The following LHFPL3 variants were observed in gnomAD, a reference collection of about 807,000 sequenced individuals.
The protein encoded by LHFPL3 is LHFPL tetraspan subfamily member 3 protein.
In LHFPL3, 5 loss-of-function variants were observed where a neutral mutation model predicts 19.3. The ratio of observed to expected loss-of-function variants is 0.26; its 90% CI spans 0.14 to 0.54. The LOEUF (loss-of-function observed/expected upper bound fraction) is 0.54. LHFPL3 is among the 20% of genes least tolerant of loss of function. The pLI is 0.94. For missense variants in LHFPL3, 249 were observed against 307.4 expected (o/e 0.81, Z 1.42); for synonymous variants, 133 against 126.2 (o/e 1.05, Z -0.36).
chr7:104,405,543 T>C (rs1397134124), intron 1 of LHFPL3, among the ~76,000 whole-genome samples: 1 of 152,228 alleles, frequency 6.6e-6, no homozygotes, highest in Non-Finnish European at 1.5e-5. Context: ...ATCAACACTC[T>C]TATGAAATAA....
At chr7:104,388,578 A>G (rs1477221019) in intron 1 of LHFPL3, among the ~76,000 whole-genome samples, 1 of 152,192 alleles carries the variant, frequency 6.6e-6, no homozygotes, top group African/African-American at 2.4e-5. Context: ...AAAATCAGAC[A>G]AAGACGTAAC....
At chr7:104,704,398 A>G (rs750612609) in intron 1 of LHFPL3, among the ~76,000 whole-genome samples, 8 of 152,204 alleles carry the variant, frequency 5.3e-5, no homozygotes, top group Non-Finnish European at 1.2e-4. Flanking sequence ...AGTCCTAGTC[A>G]TATGAGTATT....
In LHFPL3 at chr7:104,852,883, G is replaced by A. The variant is rs185430633; in HGVS notation, c.683-53304G>A. Among the ~76,000 whole-genome samples the A allele has an allele frequency of 5.6e-3, 851 of 151,172 alleles. 6 individuals are homozygous for A. Among genetic ancestry groups the A allele is most frequent in the African/African-American group, 0.014 (569 of 41,156 alleles). ...CTTCCCAGTCCCACCCCCACCTTCCGGCAGATGGGTTCTCAGCCCACTCTC... is the reference window on the plus strand; with the variant it reads ...CTTCCCAGTCCCACCCCCACCTTCCAGCAGATGGGTTCTCAGCCCACTCTC... On this transcript the variant is annotated intron_variant, in intron 2 of 2. Transcript: ENST00000424859.
intron 1 of LHFPL3, among the ~76,000 whole-genome samples, chr7:104,613,506 TAAG>T (rs1791248118): frequency 6.6e-6 from 1 of 152,208 alleles, no homozygotes; most frequent in Non-Finnish European, 1.5e-5. Context: ...TCAGAGCCAC[TAAG>T]AAGGCTAAAA....
At chr7:104,464,847 C>T (rs1307445330) in intron 1 of LHFPL3, among the ~76,000 whole-genome samples, 2 of 152,226 alleles carry the variant, frequency 1.3e-5, no homozygotes, top group Non-Finnish European at 2.9e-5. Flanking sequence ...ACATTTTCCT[C>T]ATTGTCTTGG....
At chr7:104,744,792 G>A (rs773103054) in intron 2 of LHFPL3, among the ~76,000 whole-genome samples, 22 of 152,050 alleles carry the variant, frequency 1.4e-4, no homozygotes, top group South Asian at 4.2e-4. Context: ...GTTGGCTTCC[G>A]GTCACTGACC....
intron 1 of LHFPL3, among the ~76,000 whole-genome samples, chr7:104,711,080 G>A (rs1793292826): frequency 1.3e-5 from 2 of 152,206 alleles, no homozygotes; most frequent in African/African-American, 4.8e-5. Flanking sequence ...AGAGATAAAG[G>A]AACAGAATCC....
At chr7:104,860,877 C>T (rs1189717220) in intron 2 of LHFPL3, among the ~76,000 whole-genome samples, 2 of 152,084 alleles carry the variant, frequency 1.3e-5, no homozygotes, top group Non-Finnish European at 2.9e-5. Context: ...GCTAAGAATC[C>T]AGCCCCAAGG....
intron 1 of LHFPL3, among the ~76,000 whole-genome samples, chr7:104,546,635 C>T (rs1308436336): frequency 6.6e-6 from 1 of 152,160 alleles, no homozygotes; most frequent in Non-Finnish European, 1.5e-5. Flanking sequence ...TAATATAGCA[C>T]ATTAAATTAA....
At chr7:104,435,622 A>G (rs1792089244) in intron 1 of LHFPL3, among the ~76,000 whole-genome samples, 1 of 151,590 alleles carries the variant, frequency 6.6e-6, no homozygotes, top group Admixed American at 6.6e-5. Context: ...TACACTTTGA[A>G]GCAAGATATT....
chr7:104,626,145 T>C (rs2115826226), intron 1 of LHFPL3, among the ~76,000 whole-genome samples: 1 of 152,310 alleles, frequency 6.6e-6, no homozygotes, highest in South Asian at 2.1e-4. Flanking sequence ...AATCAAAGTA[T>C]GTACTGGCTC....
chr7:104,354,376 C>G (rs994708094), intron 1 of LHFPL3, among the ~76,000 whole-genome samples: 1 of 152,188 alleles, frequency 6.6e-6, no homozygotes, highest in Admixed American at 6.5e-5. Context: ...TTTGATGAGC[C>G]TAGGTGGGAT....
In LHFPL3 at chr7:104,692,445, T is replaced by C. The variant is rs570449949; in HGVS notation, c.446-44230T>C. 2.2e-4 allele frequency among the ~76,000 whole-genome samples: 33 copies of C among 152,330 alleles called. No individual in the cohort carries two copies. The South Asian group carries it at 3.3e-3, about 15-fold the overall frequency. ...CCAAAGGCCTAAGAGGAAATAATTG[T>C]TTCATGGGCTGGGCCCAGGGTCTTG... On this transcript the variant is annotated intron_variant, in intron 1 of 2. Transcript: ENST00000424859.
chr7:104,381,517 C>T (rs993465785), intron 1 of LHFPL3, among the ~76,000 whole-genome samples: 8 of 151,856 alleles, frequency 5.3e-5, no homozygotes, highest in South Asian at 2.1e-4. Flanking sequence ...TCTTTCCTTC[C>T]TTCCTCCTTT....
At chr7:104,539,105 A>G (rs967608862) in intron 1 of LHFPL3, among the ~76,000 whole-genome samples, 1 of 152,206 alleles carries the variant, frequency 6.6e-6, no homozygotes, top group Non-Finnish European at 1.5e-5. Context: ...CAACCCTGTC[A>G]ACACCTTGAT....
intron 1 of LHFPL3, among the ~76,000 whole-genome samples, chr7:104,503,261 T>A (rs374166256): frequency 6.6e-6 from 1 of 152,170 alleles, no homozygotes; most frequent in African/African-American, 2.4e-5. Context: ...GAATGAACAA[T>A]GCTATCCCAT....
intron 1 of LHFPL3, among the ~76,000 whole-genome samples, chr7:104,700,350 G>T (rs1793079326): frequency 6.6e-6 from 1 of 152,202 alleles, no homozygotes; most frequent in Non-Finnish European, 1.5e-5. Context: ...TCAAGAGCCA[G>T]ATTAGTGGAG....
chr7:104,558,467 C>G (rs1289584730), intron 1 of LHFPL3, among the ~76,000 whole-genome samples: 1 of 151,900 alleles, frequency 6.6e-6, no homozygotes, highest in Non-Finnish European at 1.5e-5. Flanking sequence ...TTTGGCTGCA[C>G]AAATGTCTTC....
At chr7:104,505,494 A>G (rs1310735148) in intron 1 of LHFPL3, among the ~76,000 whole-genome samples, 1 of 152,238 alleles carries the variant, frequency 6.6e-6, no homozygotes, top group Non-Finnish European at 1.5e-5. Context: ...GTGAGCTGTC[A>G]GTGAGTTCCA....
Sources: allele counts gnomAD v4.1 joint callset (sites outside exome capture counted in the v4.1 genomes callset), GRCh38; gene constraint gnomAD v4.1.1; transcripts MANE v1.5; gene names NCBI Gene and HGNC (gene_info 2026-07-23, HGNC 2026-07-21).